Variants in RPH3AL observed in about 807,000 individuals in gnomAD.
The protein encoded by RPH3AL is rabphilin 3A like (without C2 domains), also known as rab effector Noc2.
Under a neutral mutation model 43.1 loss-of-function variants are expected in RPH3AL, and 38 were observed. The ratio of observed to expected loss-of-function variants is 0.88; its 90% CI spans 0.68 to 1.15. RPH3AL has a LOEUF of 1.15. Among genes scored for constraint, RPH3AL ranks in the 50% most tolerant of loss-of-function variants. The probability of loss-of-function intolerance (pLI) is 0.00; values close to 1 mark genes in which losing one functional copy is unlikely to be tolerated. For missense variants in RPH3AL, 462 were observed against 423.2 expected, an observed-to-expected ratio of 1.09 and a Z score of -0.81; for synonymous variants, 189 against 176.3, an observed-to-expected ratio of 1.07 and a Z score of -0.57.
At chr17:251,734 G>C (rs2041905681) in intron 6 of RPH3AL, among the ~76,000 whole-genome samples, 1 of 152,198 alleles carries the variant, frequency 6.6e-6, no homozygotes, top group South Asian at 2.1e-4. Flanking sequence ...AGTCCAAAAG[G>C]CCACGGGGGC....
chr17:315,424 G>A (rs796965906), intron 5 of RPH3AL, among the ~76,000 whole-genome samples: 124 of 74,714 alleles, frequency 1.7e-3, no homozygotes, highest in East Asian at 0.01. Flanking sequence ...CACCTCCATT[G>A]ACCTGTAGTC....
intron 5 of RPH3AL, among the ~76,000 whole-genome samples, chr17:295,999 G>A (rs1038292883): frequency 2.4e-5 from 3 of 126,356 alleles, no homozygotes; most frequent in Non-Finnish European, 5.0e-5. Flanking sequence ...CAGAGGAGCT[G>A]CAGAAATGGA....
intron 5 of RPH3AL, among the ~76,000 whole-genome samples, chr17:296,114 A>T (rs1340415428): frequency 7.4e-6 from 1 of 135,584 alleles, no homozygotes; most frequent in Non-Finnish European, 1.6e-5. Flanking sequence ...GAGCTGCAGA[A>T]ATGGATGGAC....
chr17:244,045 T>C (rs903444736), intron 7 of RPH3AL, among the ~76,000 whole-genome samples: 15 of 150,948 alleles, frequency 9.9e-5, no homozygotes, highest in African/African-American at 3.7e-4. Flanking sequence ...ATTACTTTCC[T>C]CTATTGATTA....
At chr17:236,051 C>CAAAGCTGGGGTCGG (rs2041387481) in intron 7 of RPH3AL, among the ~76,000 whole-genome samples, 2 of 110,488 alleles carry the variant, frequency 1.8e-5, no homozygotes, top group African/African-American at 6.9e-5. Context: ...AGACGGGGGT[C>CAAAGCTGGGGTCGG]CCAGGTTCAA....
At chr17:216,377 G>C (rs1020656559) in intron 8 of RPH3AL, among the ~76,000 whole-genome samples, 38 of 148,628 alleles carry the variant, frequency 2.6e-4, no homozygotes, top group Non-Finnish European at 4.3e-4. Context: ...ACAGAATGGG[G>C]GTGGGGGTGG....
intron 5 of RPH3AL, among the ~76,000 whole-genome samples, chr17:302,148 T>C (rs1440387144): frequency 1.3e-5 from 2 of 152,214 alleles, no homozygotes; most frequent in African/African-American, 2.4e-5. Flanking sequence ...CTGCTGCCAC[T>C]GCGGCATCTG....
intron 6 of RPH3AL, among the ~76,000 whole-genome samples, chr17:265,175 C>G (rs1597970167): frequency 6.6e-6 from 1 of 152,332 alleles, no homozygotes; most frequent in East Asian, 1.9e-4. Context: ...CAACCTCCAC[C>G]TCCGAGGCTC....
chr17:283,573 T>C lies in RPH3AL; in HGVS notation c.352-1719A>G, dbSNP rs918396940. Among the ~76,000 whole-genome samples, 2 of 152,126 alleles carry C rather than the reference T, an allele frequency of 1.3e-5. No homozygotes were observed. Among genetic ancestry groups the C allele is most frequent in the Non-Finnish European group, 2.9e-5 (2 of 68,006 alleles). On this transcript the variant is annotated intron_variant, in intron 5 of 9. Transcript: ENST00000331302. The surrounding 1 kb of genome is among the most constrained non-coding windows in gnomAD (Gnocchi z 4.2). The stretch of plus-strand genomic sequence containing the variant: ...TCATGAAGGTCCTAGGCTTGGGGTG[T>C]TTGATGGCCCAGATCTGCAGAGGGT...
rs1234975647 is a variant in RPH3AL at position 245,841 on chromosome 17, G to A, written c.613+1270C>T. Reference sequence around the variant, plus strand: ...CTCCTGAGGGACTCCCCGCCTGCACGGTCTCCACTGCATTGCATCCCACGG... The same window carrying A: ...CTCCTGAGGGACTCCCCGCCTGCACAGTCTCCACTGCATTGCATCCCACGG... On this transcript the variant is annotated intron_variant, in intron 7 of 9. Coordinates refer to ENST00000331302, the MANE Select transcript of RPH3AL (RefSeq NM_006987.4). This position sits in a 1 kb window ranked among gnomAD's most constrained non-coding sequence, Gnocchi z 5.9. Among the ~76,000 whole-genome samples, 2 of 152,096 alleles carry A rather than the reference G, an allele frequency of 1.3e-5. No individual in the cohort carries two copies. Among genetic ancestry groups the A allele is most frequent in the Non-Finnish European group, 2.9e-5 (2 of 68,010 alleles).
intron 3 of RPH3AL, among the ~76,000 whole-genome samples, chr17:326,186 A>G (rs1013136661): frequency 2.0e-5 from 3 of 152,250 alleles, no homozygotes; most frequent in African/African-American, 7.2e-5. Flanking sequence ...CGGGGGCCGC[A>G]TGAAGGAGCC....
At chr17:238,752 T>G (rs2041461370) in intron 7 of RPH3AL, among the ~76,000 whole-genome samples, 1 of 152,046 alleles carries the variant, frequency 6.6e-6, no homozygotes, top group Admixed American at 6.6e-5. Context: ...CCCCAGCAGC[T>G]CTCTCTCTGT....
intron 7 of RPH3AL, among the ~76,000 whole-genome samples, chr17:221,730 C>A (rs2040984215): frequency 7.5e-6 from 1 of 134,090 alleles, no homozygotes; most frequent in Non-Finnish European, 1.6e-5. Context: ...TCTGAGGCCT[C>A]CACTCACTGA....
chr17:297,889 G>T (rs1419003879), intron 5 of RPH3AL, among the ~76,000 whole-genome samples: 1 of 152,204 alleles, frequency 6.6e-6, no homozygotes, highest in Non-Finnish European at 1.5e-5. Context: ...CCAGCGGACA[G>T]GGAGGCTTCA....
chr17:233,144 C>A (rs4890196), intron 7 of RPH3AL, among the ~76,000 whole-genome samples: 2 of 151,266 alleles, frequency 1.3e-5, no homozygotes, highest in African/African-American at 4.9e-5. Flanking sequence ...CTGTGTGGCA[C>A]GTGTGCGTGT....
At chr17:229,782 C>CA (rs1373061896) in intron 7 of RPH3AL, among the ~76,000 whole-genome samples, 1 of 151,838 alleles carries the variant, frequency 6.6e-6, no homozygotes, top group African/African-American at 2.4e-5. Flanking sequence ...TTGGGGGAAA[C>CA]ACGCTCTTCC....
chr17:280,995 T>G (rs1257727166), intron 6 of RPH3AL, among the ~76,000 whole-genome samples: 1 of 152,152 alleles, frequency 6.6e-6, no homozygotes, highest in Non-Finnish European at 1.5e-5. Context: ...CCCCTCACAT[T>G]CTGTCCCAGC....
chr17:317,293 T>C (rs1331490654), intron 5 of RPH3AL, among the ~76,000 whole-genome samples: 1 of 150,812 alleles, frequency 6.6e-6, no homozygotes, highest in East Asian at 2.0e-4. Flanking sequence ...GTAGTCTCTC[T>C]GTCCCACCTC....
intron 7 of RPH3AL, among the ~76,000 whole-genome samples, chr17:220,286 G>A (rs1555530613): frequency 5.2e-5 from 7 of 134,256 alleles, no homozygotes; most frequent in South Asian, 4.9e-4. Context: ...CAGCTCTGAG[G>A]GCTCCACTCA....
Sources: allele counts gnomAD v4.1 joint callset (sites outside exome capture counted in the v4.1 genomes callset), GRCh38; gene constraint gnomAD v4.1.1; non-coding constraint Gnocchi (gnomAD v3.1); transcripts MANE v1.5; gene names NCBI Gene and HGNC (gene_info 2026-07-23, HGNC 2026-07-21).